The following USP25 variants were observed in gnomAD, a reference collection of about 807,000 sequenced individuals.
USP25 encodes ubiquitin carboxyl-terminal hydrolase 25.
A neutral mutation model predicts 158.5 loss-of-function variants in USP25; 85 were observed. The observed-to-expected ratio is 0.54, with a 90% confidence interval of 0.45 to 0.64. The LOEUF is 0.64. Among genes scored for constraint, USP25 ranks in the 30% least tolerant of loss-of-function variants. The probability of loss-of-function intolerance (pLI) is 0.00; values close to 1 mark genes in which losing one functional copy is unlikely to be tolerated. For synonymous variants in USP25, 464 were observed against 460.4 expected (o/e 1.01, Z -0.10); for missense variants, 1,242 against 1,327.3 (o/e 0.94, Z 1.00).
chr21:15,858,377 A>G (rs1315889786), intron 20 of USP25, among the ~76,000 whole-genome samples: 1 of 151,216 alleles, frequency 6.6e-6, no homozygotes, highest in African/African-American at 2.4e-5. Flanking sequence ...TTATAATTTT[A>G]TTTCATAATA....
intron 20 of USP25, among the ~76,000 whole-genome samples, 183 bp from the exon 21 acceptor site, chr21:15,864,085 A>G (rs1329112648): frequency 1.3e-5 from 2 of 148,506 alleles, no homozygotes; most frequent in East Asian, 2.0e-4. Flanking sequence ...AGTTATTCAG[A>G]AAATTCCTTG....
At position 15,838,541 on chromosome 21, in the gene USP25, G is replaced by A. The variant is rs374292499; in HGVS notation, c.2195-3857G>A. ...AGACTTTCTTCGGAATGGGGCCCAG[G>A]AATCTGAAGTTTCAAAAATTCCACC... is the stretch of plus-strand genomic sequence containing the variant. On this transcript the variant is annotated intron_variant, in intron 17 of 25. Transcript: ENST00000400183. 1.2e-3 allele frequency among the ~76,000 whole-genome samples: 183 copies of A among 152,142 alleles called. 1 individual carries two copies. Among genetic ancestry groups the A allele is most frequent in the African/African-American group, 4.2e-3 (174 of 41,518 alleles).
chr21:15,788,779 C>A (rs2035435073), intron 4 of USP25, among the ~76,000 whole-genome samples: 1 of 152,006 alleles, frequency 6.6e-6, no homozygotes, highest in East Asian at 1.9e-4. Context: ...TTCTTTAAAA[C>A]CCATACTTTT....
intron 3 of USP25, among the ~76,000 whole-genome samples, chr21:15,770,757 A>G (rs1200279234): frequency 6.6e-6 from 1 of 152,216 alleles, no homozygotes; most frequent in East Asian, 1.9e-4. Flanking sequence ...ATCAGTGCAC[A>G]TAATGCTACA....
At chr21:15,812,384 C>T (rs940274735) in intron 9 of USP25, among the ~76,000 whole-genome samples, 8 of 152,102 alleles carry the variant, frequency 5.3e-5, no homozygotes, top group Non-Finnish European at 1.0e-4. Context: ...TGCGGTGGCT[C>T]ATGCCTGTAA....
intron 20 of USP25, among the ~76,000 whole-genome samples, chr21:15,853,321 A>G (rs753087052): frequency 5.9e-5 from 9 of 152,132 alleles, no homozygotes; most frequent in Non-Finnish European, 1.0e-4. Context: ...ACACACATGT[A>G]CACGCACACG....
At chr21:15,838,333 T>G (rs929094650) in intron 17 of USP25, among the ~76,000 whole-genome samples, 5 of 152,066 alleles carry the variant, frequency 3.3e-5, no homozygotes, top group Non-Finnish European at 7.4e-5. Context: ...CTATGGAGAT[T>G]TCCAATAATG....
chr21:15,766,138 A>G lies in USP25; in HGVS notation c.265A>G (p.Thr89Ala). 1 of 1,585,330 alleles carries G rather than the reference A, an allele frequency of 6.3e-7. No homozygotes were observed. Among genetic ancestry groups the G allele is most frequent in the Non-Finnish European group, 8.5e-7 (1 of 1,171,534 alleles). Residue 89 changes from threonine (T) to alanine (A), a missense_variant, in exon 3 of 26, where the codon ACA becomes GCA. This residue lies in a region of USP25 where 627 missense variants were observed against 701.4 expected (regional missense o/e 0.89). Coordinates refer to ENST00000400183, the MANE Select transcript of USP25 (RefSeq NM_001283041.3). This position sits in a 1 kb window ranked among gnomAD's most constrained non-coding sequence, Gnocchi z 4.0. ...RYISVGSQAD[T>A]NVIDLTGDDK... ...CATCAGTGTGGGAAGCCAAGCAGAT[A>G]CAAGTAAGTTTTCTTTCTTTTCTTA...
intron 1 of USP25, among the ~76,000 whole-genome samples, chr21:15,750,755 C>T (rs542228416): frequency 4.6e-5 from 7 of 151,662 alleles, no homozygotes; most frequent in African/African-American, 1.5e-4. Flanking sequence ...TACAGGTGCC[C>T]GCCACCACGT....
At chr21:15,801,195 G>T (rs1286584642) in intron 6 of USP25, among the ~76,000 whole-genome samples, 1 of 151,532 alleles carries the variant, frequency 6.6e-6, no homozygotes, top group Non-Finnish European at 1.5e-5. Flanking sequence ...TATGGTCCTG[G>T]ATTTTAATGT....
chr21:15,847,582 A>G, intron 18 of USP25, 81 bp from the exon 19 acceptor site: 1 of 920,324 alleles, frequency 1.1e-6, no homozygotes, highest in Non-Finnish European at 1.7e-6. Context: ...AGGGATGTGC[A>G]GGTTATACAG....
chr21:15,859,658 A>G (rs1421705675), intron 20 of USP25, among the ~76,000 whole-genome samples: 1 of 152,062 alleles, frequency 6.6e-6, no homozygotes, highest in African/African-American at 2.4e-5. Flanking sequence ...GAGTCTGTTC[A>G]GTTTTTCTGC....
chr21:15,846,017 C>T (rs2038568160), intron 18 of USP25, among the ~76,000 whole-genome samples: 1 of 150,706 alleles, frequency 6.6e-6, no homozygotes, highest in East Asian at 2.0e-4. Context: ...TATTATCTCT[C>T]ATGATCATGA....
chr21:15,844,144 T>C (rs1249044195), intron 18 of USP25, among the ~76,000 whole-genome samples: 2 of 152,132 alleles, frequency 1.3e-5, no homozygotes, highest in Non-Finnish European at 2.9e-5. Context: ...GTTAGCCCCA[T>C]TGCATATGTA....
chr21:15,856,108 G>A (rs2039124870), intron 20 of USP25, among the ~76,000 whole-genome samples: 1 of 152,210 alleles, frequency 6.6e-6, no homozygotes, highest in African/African-American at 2.4e-5. Flanking sequence ...ATCCAGGGAT[G>A]TAGCTGGGAT....
chr21:15,763,993 C>A (rs1478104852), intron 2 of USP25, among the ~76,000 whole-genome samples: 2 of 152,102 alleles, frequency 1.3e-5, no homozygotes, highest in Admixed American at 6.6e-5. Context: ...GCAGCCTGAT[C>A]CCAGGTGCCA....
At chr21:15,795,804 ATAGAC>A (rs2035834474) in intron 5 of USP25, among the ~76,000 whole-genome samples, 1 of 151,548 alleles carries the variant, frequency 6.6e-6, no homozygotes, top group Non-Finnish European at 1.5e-5. Context: ...TGTTCTGTAC[ATAGAC>A]TTGTGGTTTC....
intron 17 of USP25, among the ~76,000 whole-genome samples, chr21:15,839,672 A>G (rs1021947565): frequency 3.9e-5 from 6 of 152,150 alleles, no homozygotes; most frequent in East Asian, 3.8e-4. Context: ...TAAATTGAAG[A>G]CAAAACCTCT....
intron 17 of USP25, among the ~76,000 whole-genome samples, chr21:15,836,137 G>A (rs1316355782): frequency 6.6e-6 from 1 of 151,954 alleles, no homozygotes; most frequent in Admixed American, 6.6e-5. Context: ...AGTGACTAGT[G>A]GAAATAATAA....
Sources: allele counts gnomAD v4.1 joint callset (sites outside exome capture counted in the v4.1 genomes callset), GRCh38; gene constraint gnomAD v4.1.1; regional missense constraint gnomAD v4.1.1; non-coding constraint Gnocchi (gnomAD v3.1); transcripts MANE v1.5; gene names NCBI Gene and HGNC (gene_info 2026-07-23, HGNC 2026-07-21).